The following RNF14 variants were observed in gnomAD, a reference collection of about 807,000 sequenced individuals.
RNF14 encodes ring finger protein 14.
A neutral mutation model predicts 52.6 loss-of-function variants in RNF14; 26 were observed. The observed-to-expected ratio is 0.49, with a 90% CI of 0.36 to 0.69. The LOEUF is 0.69. Among genes scored for constraint, RNF14 ranks in the 30% least tolerant of loss-of-function variants. The pLI, the probability that RNF14 is intolerant of heterozygous loss-of-function variation, is 0.00. For synonymous variants in RNF14, 194 were observed against 202.0 expected, an observed-to-expected ratio of 0.96 and a Z score of 0.34; for missense variants, 404 against 560.4, an observed-to-expected ratio of 0.72 and a Z score of 2.82.
chr5:141,950,480 G>A, the RNF14 span, among the ~76,000 whole-genome samples: 17 of 152,174 alleles, frequency 1.1e-4, no homozygotes, highest in Non-Finnish European at 1.0e-4. Flanking sequence ...TCCATGCACC[G>A]TCTTATTCAA....
At chr5:141,951,833 G>C in the RNF14 span, among the ~76,000 whole-genome samples, 2 of 152,254 alleles carry the variant, frequency 1.3e-5, no homozygotes, top group Non-Finnish European at 2.9e-5. Flanking sequence ...GACCCTCTGG[G>C]CCTGTCCCCT....
chr5:141,949,358 G>A, the RNF14 span: 1 of 1,515,352 alleles, frequency 6.6e-7, no homozygotes, highest in Admixed American at 2.2e-5. Flanking sequence ...CCCTGCAGTG[G>A]ATTGGAGCAG....
At chr5:141,964,231 C>T (rs534966486), upstream of RNF14, among the ~76,000 whole-genome samples, 20 of 152,310 alleles carry the variant, frequency 1.3e-4, no homozygotes, top group South Asian at 6.2e-4. Context: ...AAGCTGGTCA[C>T]GCAGGTAATC....
intron 5 of RNF14, 79 bp from the exon 6 acceptor site, chr5:141,980,044 C>G (rs1754629764): frequency 5.3e-6 from 6 of 1,137,922 alleles, no homozygotes; most frequent in Non-Finnish European, 6.7e-6. Context: ...CTGGTTTACA[C>G]TAGCATCCTA....
At chr5:141,958,281 A>T (rs146964102), upstream of RNF14, 1 of 168,404 alleles carries the variant, frequency 5.9e-6, no homozygotes, top group Non-Finnish European at 1.3e-5. Flanking sequence ...TTTCAATGCC[A>T]ATTAGAGAAA....
rs1425046862 is a variant in RNF14, at chr5:141,989,023, G to A, written c.*1233G>A. ...GGACAGAAAAATTGAACTACAGCTT[G>A]AGAACGTATTCTTTTTTTCCTACTT... On this transcript the variant is annotated 3_prime_UTR_variant, in exon 9 of 9. Transcript: ENST00000394520. The A allele has an allele frequency of 6.6e-6, 1 of 152,342 alleles. No homozygotes were observed. The allele number at this position is 152,342 out of a possible 1,614,324, so 9.4% of individuals were successfully genotyped here.
intron 4 of RNF14, among the ~76,000 whole-genome samples, chr5:141,975,483 G>A (rs1754164069): frequency 6.6e-6 from 1 of 152,152 alleles, no homozygotes; most frequent in African/African-American, 2.4e-5. Context: ...ATGCATACAA[G>A]TAGAAATGTG....
intron 4 of RNF14, 136 bp downstream of exon 4, chr5:141,975,091 C>A: frequency 1.2e-6 from 1 of 862,204 alleles, no homozygotes; most frequent in Non-Finnish European, 1.8e-6. Flanking sequence ...TTTTCCCTTG[C>A]CTTGGTGAAT....
upstream of RNF14, chr5:141,956,205 G>C (rs1278105818): frequency 6.2e-7 from 1 of 1,614,236 alleles, no homozygotes; most frequent in African/African-American, 1.3e-5. Flanking sequence ...CCCACACAGA[G>C]ACACTGGATG....
upstream of RNF14, chr5:141,957,558 G>A (rs1166689194): frequency 1.2e-6 from 2 of 1,614,176 alleles, no homozygotes; most frequent in East Asian, 2.2e-5. The surrounding 1 kb of genome is among the most constrained non-coding windows in gnomAD (Gnocchi z 4.3). Flanking sequence ...CCCACTGTCG[G>A]CACAGCTGCT....
intron 7 of RNF14, among the ~76,000 whole-genome samples, chr5:141,984,317 C>T (rs998878280): frequency 1.3e-5 from 2 of 151,988 alleles, no homozygotes; most frequent in African/African-American, 2.4e-5. Context: ...AGGCTGGTCT[C>T]GAACTCCTGA....
upstream of RNF14, chr5:141,957,164 C>G: frequency 1.2e-6 from 2 of 1,614,146 alleles, no homozygotes; most frequent in Non-Finnish European, 1.7e-6. This position sits in a 1 kb window ranked among gnomAD's most constrained non-coding sequence, Gnocchi z 4.3. Flanking sequence ...TTGACCTTGA[C>G]CAAGCTGGTA....
intron 2 of RNF14, among the ~76,000 whole-genome samples, chr5:141,972,417 T>C (rs1004025936): frequency 6.6e-6 from 1 of 151,662 alleles, no homozygotes; most frequent in Non-Finnish European, 1.5e-5. Flanking sequence ...TTGTCACAGC[T>C]CTTGTGGGTG....
At chr5:141,984,119 T>TG (rs913373314) in intron 7 of RNF14, among the ~76,000 whole-genome samples, 1 of 151,338 alleles carries the variant, frequency 6.6e-6, no homozygotes, top group Non-Finnish European at 1.5e-5. Flanking sequence ...TTTTTTTTTT[T>TG]GATACTGAGT....
chr5:141,961,109 T>G (rs1233775214), intron 1 of RNF14, among the ~76,000 whole-genome samples: 1 of 152,244 alleles, frequency 6.6e-6, no homozygotes, highest in Non-Finnish European at 1.5e-5. Flanking sequence ...GAAGGAGTTA[T>G]GGAATTCATG....
Position 141,973,655 on chromosome 5 carries a change from G to A in RNF14, c.67G>A (p.Asp23Asn), listed in dbSNP as rs772850029. The A allele has an allele frequency of 9.5e-5, 153 of 1,613,884 alleles. No individual in the cohort carries two copies. Among genetic ancestry groups the A allele is most frequent in the Middle Eastern group, 3.3e-4 (2 of 6,082 alleles). ...LLALASIYDGDEFRKAESVQG... is the reference protein window; with the variant it reads ...LLALASIYDGNEFRKAESVQG... ...GGCCCTGGCAAGTATTTACGATGGA[G>A]ATGAATTTAGAAAAGCAGAGTCTGT... The change falls in exon 3 of 9, where the codon GAT becomes AAT. Residue 23 changes from aspartate to asparagine, a missense_variant. Physicochemically the swap from Asp to Asn is conservative, Grantham distance 23. Transcript: ENST00000394520.
At chr5:141,987,684 T>C in intron 8 of RNF14, 49 bp from the exon 9 acceptor site, 1 of 1,567,300 alleles carries the variant, frequency 6.4e-7, no homozygotes, top group South Asian at 1.1e-5. Flanking sequence ...AGGCAATTTA[T>C]ATTGTTTCGT....
the RNF14 span, among the ~76,000 whole-genome samples, chr5:141,952,160 C>T: frequency 3.9e-5 from 6 of 152,120 alleles, no homozygotes; most frequent in African/African-American, 1.2e-4. Context: ...CTGCCCTCAG[C>T]GTGGTCACAT....
chr5:141,966,681 A>G (rs929907529), upstream of RNF14: 1 of 152,304 alleles, frequency 6.6e-6, no homozygotes, highest in Non-Finnish European at 1.5e-5. Flanking sequence ...TCTTGTCCTC[A>G]AAATTGACTC....
Sources: gnomAD v4.1 joint callset for allele counts (sites outside exome capture counted in the v4.1 genomes callset) on GRCh38, gnomAD v4.1.1 for gene constraint, Gnocchi (gnomAD v3.1) non-coding constraint, MANE v1.5 for transcripts, NCBI Gene and HGNC (gene_info 2026-07-23, HGNC 2026-07-21) for gene names.